Variants in PTPRD observed in about 807,000 individuals in gnomAD.
PTPRD encodes the protein protein tyrosine phosphatase receptor type D.
In PTPRD, 34 loss-of-function variants were observed where a neutral mutation model predicts 214.5. That is an observed-to-expected ratio of 0.16 (90% confidence interval 0.12 to 0.21). The LOEUF is 0.21. Ranked by LOEUF, PTPRD falls within the 10% of genes least tolerant of loss-of-function variation. PTPRD has a pLI of 1.00. For missense variants in PTPRD, 2,545 were observed against 2,398.7 expected, an observed-to-expected ratio of 1.06 and a Z score of -1.27; for synonymous variants, 1,128 against 845.7, an observed-to-expected ratio of 1.33 and a Z score of -5.79.
chr9:10,114,504 C>G (rs1281903200), intron 3 of PTPRD, among the ~76,000 whole-genome samples: 1 of 152,066 alleles, frequency 6.6e-6, no homozygotes, highest in Non-Finnish European at 1.5e-5. Flanking sequence ...CTCTCTCATT[C>G]TCTCTTCATA....
At chr9:8,404,264 G>A (rs1247903633) in intron 36 of PTPRD, among the ~76,000 whole-genome samples, 2 of 152,060 alleles carry the variant, frequency 1.3e-5, no homozygotes, top group Non-Finnish European at 2.9e-5. Flanking sequence ...GAGTAGCTGG[G>A]ATTACAGGCG....
intron 8 of PTPRD, among the ~76,000 whole-genome samples, chr9:9,461,110 G>C (rs1205033413): frequency 6.6e-6 from 1 of 151,876 alleles, no homozygotes; most frequent in Non-Finnish European, 1.5e-5. Context: ...ATAAGTGGGA[G>C]CTAAACAATG....
At chr9:9,041,551 T>G (rs921760367) in intron 10 of PTPRD, among the ~76,000 whole-genome samples, 1 of 152,238 alleles carries the variant, frequency 6.6e-6, no homozygotes, top group Non-Finnish European at 1.5e-5. Flanking sequence ...GATCTCATTC[T>G]TTTTGATGGC....
intron 3 of PTPRD, among the ~76,000 whole-genome samples, chr9:10,292,710 T>C (rs555852688): frequency 6.6e-6 from 1 of 151,986 alleles, no homozygotes; most frequent in South Asian, 2.1e-4. Flanking sequence ...CCTGAAATCA[T>C]ACACTAATTA....
At chr9:8,424,057 G>A (rs989658402) in intron 35 of PTPRD, among the ~76,000 whole-genome samples, 7 of 152,188 alleles carry the variant, frequency 4.6e-5, no homozygotes, top group Non-Finnish European at 1.0e-4. Flanking sequence ...AGCATGAAGC[G>A]GGTGGCTGGG....
intron 2 of PTPRD, among the ~76,000 whole-genome samples, chr9:10,603,710 C>CTAT (rs2078556187): frequency 6.6e-6 from 1 of 151,710 alleles, no homozygotes; most frequent in African/African-American, 2.4e-5. Context: ...TAAGTGTTGG[C>CTAT]TATTATTATT....
intron 2 of PTPRD, among the ~76,000 whole-genome samples, chr9:10,482,336 A>G (rs2099105601): frequency 1.3e-5 from 2 of 152,054 alleles, no homozygotes; most frequent in African/African-American, 4.8e-5. Flanking sequence ...GCGCCACTGC[A>G]CTCCAGCCTG....
At chr9:10,025,857 C>T (rs2096913149) in intron 4 of PTPRD, among the ~76,000 whole-genome samples, 1 of 152,152 alleles carries the variant, frequency 6.6e-6, no homozygotes, top group Non-Finnish European at 1.5e-5. Context: ...ACCTGTGCTA[C>T]AGTTCACGGA....
At chr9:9,553,416 T>C (rs994048240) in intron 8 of PTPRD, among the ~76,000 whole-genome samples, 2 of 152,078 alleles carry the variant, frequency 1.3e-5, no homozygotes, top group African/African-American at 2.4e-5. Flanking sequence ...CCCTTCAAGG[T>C]AATAACAAAT....
At chr9:9,243,639 T>C (rs982454206) in intron 9 of PTPRD, among the ~76,000 whole-genome samples, 3 of 152,192 alleles carry the variant, frequency 2.0e-5, no homozygotes, top group Non-Finnish European at 4.4e-5. Flanking sequence ...GGAACGTATC[T>C]GAAAATAATA....
intron 2 of PTPRD, among the ~76,000 whole-genome samples, chr9:10,477,946 C>A (rs972675948): frequency 1.3e-5 from 2 of 151,608 alleles, no homozygotes; most frequent in African/African-American, 2.4e-5. Context: ...CACATGAACA[C>A]AGGGAGGTGG....
chr9:9,069,450 G>A lies in PTPRD; in HGVS notation c.-142-50715C>T, dbSNP rs138956618. Among the ~76,000 whole-genome samples the A allele has an allele frequency of 4.8e-3, 738 of 152,178 alleles. 7 individuals are homozygous for A. Among genetic ancestry groups the A allele is most frequent in the African/African-American group, 0.017 (706 of 41,512 alleles). ...GAAAAGTGGTTAATTTTAAGAAATG[G>A]GATTAAAGTGAAAGGACTGTAAACT... On this transcript the variant is annotated intron_variant, in intron 10 of 45. Coordinates refer to ENST00000381196, the MANE Select transcript of PTPRD (RefSeq NM_002839.4).
At chr9:10,093,947 A>C (rs2098457956) in intron 3 of PTPRD, among the ~76,000 whole-genome samples, 1 of 151,344 alleles carries the variant, frequency 6.6e-6, no homozygotes, top group Admixed American at 6.6e-5. Flanking sequence ...GCAGGGAGAG[A>C]GAAGTGGATG....
intron 2 of PTPRD, among the ~76,000 whole-genome samples, chr9:10,499,417 G>C (rs1200593733): frequency 2.6e-5 from 4 of 151,786 alleles, no homozygotes; most frequent in African/African-American, 9.7e-5. Context: ...CATCTTTTTT[G>C]TATCTGCCCA....
intron 7 of PTPRD, among the ~76,000 whole-genome samples, chr9:9,709,764 C>T (rs1480872161): frequency 6.6e-6 from 1 of 151,968 alleles, no homozygotes. Flanking sequence ...GACCTAAGTA[C>T]TGTAATCACC....
intron 11 of PTPRD, among the ~76,000 whole-genome samples, chr9:8,968,417 T>C (rs12353338): frequency 0.48 from 71,594 of 150,652 alleles, 17,587 homozygotes; most frequent in East Asian, 0.76. Flanking sequence ...CCAGCACCTG[T>C]TGTTTCCTGA....
At chr9:8,522,343 A>G (rs1195332571) in intron 19 of PTPRD, among the ~76,000 whole-genome samples, 1 of 152,214 alleles carries the variant, frequency 6.6e-6, no homozygotes, top group Non-Finnish European at 1.5e-5. Context: ...GGGGAGGTAA[A>G]GTATAACGAT....
At chr9:9,854,359 T>A (rs1313803005) in intron 5 of PTPRD, among the ~76,000 whole-genome samples, 1 of 152,160 alleles carries the variant, frequency 6.6e-6, no homozygotes, top group Non-Finnish European at 1.5e-5. Context: ...TCATAGGTCC[T>A]GGAATCAAGG....
chr9:9,601,127 G>C (rs1592689889), intron 7 of PTPRD, among the ~76,000 whole-genome samples: 2 of 124,686 alleles, frequency 1.6e-5, no homozygotes, highest in African/African-American at 7.4e-5. Flanking sequence ...GTGTGTGTGT[G>C]TGTGTGTGTG....
Sources: gnomAD v4.1 joint callset for allele counts (sites outside exome capture counted in the v4.1 genomes callset) on GRCh38, gnomAD v4.1.1 for gene constraint, MANE v1.5 for transcripts, NCBI Gene and HGNC (gene_info 2026-07-23, HGNC 2026-07-21) for gene names.